The following AKAP13 variants were observed in gnomAD, a reference collection of about 807,000 sequenced individuals.
AKAP13 encodes A-kinase anchor protein 13.
In AKAP13, 80 loss-of-function variants were observed where a neutral mutation model predicts 264.5. The observed-to-expected ratio is 0.30, with a 90% CI of 0.25 to 0.36. The LOEUF (loss-of-function observed/expected upper bound fraction) is 0.36. Ranked by LOEUF, AKAP13 falls within the 10% of genes least tolerant of loss-of-function variation. The pLI is 1.00. For synonymous variants in AKAP13, 1,380 were observed against 1,250.2 expected, an observed-to-expected ratio of 1.10 and a Z score of -2.19; for missense variants, 3,712 against 3,435.2, an observed-to-expected ratio of 1.08 and a Z score of -2.01.
intron 16 of AKAP13, among the ~76,000 whole-genome samples, chr15:85,685,643 G>A (rs1282025231): frequency 6.6e-6 from 1 of 152,088 alleles, no homozygotes; most frequent in Non-Finnish European, 1.5e-5. Flanking sequence ...GTCATGTTGT[G>A]CCATCGTGCT....
At chr15:85,611,648 T>TA (rs2080630600) in intron 8 of AKAP13, among the ~76,000 whole-genome samples, 1 of 152,194 alleles carries the variant, frequency 6.6e-6, no homozygotes, top group Non-Finnish European at 1.5e-5. Context: ...TCCAGAAAAA[T>TA]ATATTTTTGA....
rs765219019 is a variant in AKAP13 at position 85,583,051 on chromosome 15, G to T, written c.4039+944G>T. On this transcript the variant is annotated intron_variant, in intron 7 of 36. Transcript: ENST00000394518. ...TGAAGCTGAAACGGGAGTCGGACAC[G>T]ATCTTGGCTCCTGAAGTCTTTAAAG... 309 of 985,340 alleles carry T rather than the reference G, an allele frequency of 3.1e-4. 1 individual carries two copies. The highest frequency in any genetic ancestry group is 3.6e-4 in the Non-Finnish European group (300 of 829,980). 61.0% of individuals were successfully genotyped at this position (985,340 alleles called of 1,614,324 possible). A position where few individuals can be genotyped will look rare whatever the true frequency, so the allele number is the denominator to read the frequency against.
rs755780002 is a variant in AKAP13, at chr15:85,575,216, T to G, written c.748T>G (p.Leu250Val). The change falls in exon 6 of 37, where the codon TTG (leucine) becomes GTG (valine). Residue 250 changes from leucine to valine, a missense_variant. Coordinates refer to ENST00000394518, the MANE Select transcript of AKAP13 (RefSeq NM_007200.5). Reference sequence around the variant, plus strand: ...CTGTTCTGTGAGGCATCATCGAGAGTTGGACATCTATACATTAACCTCTGA... The same window carrying G: ...CTGTTCTGTGAGGCATCATCGAGAGGTGGACATCTATACATTAACCTCTGA... The part of the protein sequence containing the change: ...GDCSVRHHRE[L>V]DIYTLTSESD... 1.8e-5 allele frequency: 29 copies of G among 1,613,838 alleles called. No homozygotes were observed. In the East Asian group the frequency reaches 6.5e-4, roughly 36 times the overall value.
chr15:85,620,024 A>G, intron 8 of AKAP13: 1 of 1,532,536 alleles, frequency 6.5e-7, no homozygotes, highest in Non-Finnish European at 8.7e-7. Flanking sequence ...AAGGACTTGC[A>G]CTGGTCCCCA....
chr15:85,433,976 G>T (rs1324941732), intron 1 of AKAP13, among the ~76,000 whole-genome samples: 1 of 151,852 alleles, frequency 6.6e-6, no homozygotes, highest in Non-Finnish European at 1.5e-5. Flanking sequence ...GAGGAGCCAA[G>T]ATGGCCGAAT....
chr15:85,613,461 C>T (rs2080767550), intron 8 of AKAP13, among the ~76,000 whole-genome samples: 1 of 151,864 alleles, frequency 6.6e-6, no homozygotes. Flanking sequence ...GCGGGTGGAT[C>T]ACGAGGTCAG....
intron 17 of AKAP13, among the ~76,000 whole-genome samples, chr15:85,703,365 G>C (rs1236353009): frequency 2.0e-5 from 3 of 152,188 alleles, no homozygotes; most frequent in Non-Finnish European, 4.4e-5. Context: ...GTTTACCAGT[G>C]TTGTTACGAA....
Position 85,662,318 on chromosome 15 carries a change from C to T in AKAP13, c.4800-2245C>T. The T allele has an allele frequency of 1.9e-6, 3 of 1,538,810 alleles. No individual in the cohort carries two copies. In the South Asian group the frequency reaches 3.4e-5, roughly 17 times the overall value. On this transcript the variant is annotated intron_variant, in intron 12 of 36. Coordinates refer to ENST00000394518, the MANE Select transcript of AKAP13 (RefSeq NM_007200.5). ...TCTAACTATGCCCTTCGTTTTTAAA[C>T]CTAATAACCCCATTCCTGTTTCCTC...
At chr15:85,721,418 A>T (rs1022657338) in intron 23 of AKAP13, among the ~76,000 whole-genome samples, 7 of 152,186 alleles carry the variant, frequency 4.6e-5, no homozygotes, top group African/African-American at 1.7e-4. Context: ...GTATTTTATG[A>T]ACTGCATACA....
At chr15:85,411,421 A>G (rs1375306211) in intron 1 of AKAP13, among the ~76,000 whole-genome samples, 1 of 152,150 alleles carries the variant, frequency 6.6e-6, no homozygotes, top group Non-Finnish European at 1.5e-5. Context: ...CTCTCGTGTG[A>G]TGGACATTAA....
intron 1 of AKAP13, among the ~76,000 whole-genome samples, chr15:85,450,352 T>C (rs1248134597): frequency 6.6e-6 from 1 of 152,180 alleles, no homozygotes; most frequent in East Asian, 1.9e-4. Flanking sequence ...ATTTTTCATG[T>C]CTTGATTTCC....
chr15:85,600,596 C>T (rs190757943), intron 8 of AKAP13, among the ~76,000 whole-genome samples: 1 of 152,264 alleles, frequency 6.6e-6, no homozygotes, highest in Non-Finnish European at 1.5e-5. Flanking sequence ...TTTCACAACA[C>T]AAATGTTCCT....
intron 8 of AKAP13, chr15:85,619,297 A>T (rs2081073912): frequency 1.1e-6 from 1 of 909,032 alleles, no homozygotes. Context: ...AAGGGCAAGC[A>T]GTGACGTTCT....
chr15:85,625,599 C>T (rs1002843863), intron 8 of AKAP13, among the ~76,000 whole-genome samples: 2 of 152,286 alleles, frequency 1.3e-5, no homozygotes, highest in South Asian at 2.1e-4. Context: ...GCTCACATCA[C>T]GCCTGTAACC....
chr15:85,670,438 CTTATATACTG>C (rs1341787142), intron 14 of AKAP13, among the ~76,000 whole-genome samples: 3 of 150,906 alleles, frequency 2.0e-5, no homozygotes, highest in Non-Finnish European at 4.4e-5. Flanking sequence ...ACCTTATACT[CTTATATACTG>C]TGGTAGTACT....
In AKAP13 at chr15:85,449,610, TA is replaced by T. The variant is rs1172588708; in HGVS notation, c.-11-36099del. On this transcript the variant is annotated intron_variant, in intron 1 of 36. Coordinates refer to ENST00000394518, the MANE Select transcript of AKAP13 (RefSeq NM_007200.5). ...AGGTATGTTCCTTCAATACCTAGTT[TA>T]TTGAGAGTTTTTAACCTAAAGCGAT... 5.3e-5 allele frequency among the ~76,000 whole-genome samples: 8 copies of T among 152,316 alleles called. No individual in the cohort carries two copies. The East Asian group carries it at 1.5e-3, about 29-fold the overall frequency.
intron 2 of AKAP13, among the ~76,000 whole-genome samples, chr15:85,517,068 T>C (rs2076631172): frequency 6.6e-6 from 1 of 152,210 alleles, no homozygotes; most frequent in South Asian, 2.1e-4. Flanking sequence ...AATTTAACAA[T>C]GAGCACTCAT....
In AKAP13 at chr15:85,723,057, T is replaced by C; in HGVS notation, c.6497-15T>C. The C allele has an allele frequency of 6.2e-7, 1 of 1,608,526 alleles. No individual in the cohort carries two copies. The highest frequency in any genetic ancestry group is 8.5e-7 in the Non-Finnish European group (1 of 1,175,888). On this transcript the variant is annotated splice_polypyrimidine_tract_variant and intron_variant, in intron 25 of 36. Transcript: ENST00000394518. ...AAAAGAGCCATAAAAAACAGAATTA[T>C]TCTTTCCTTCCAAGACAATGAAGTG...
At chr15:85,684,195 G>C (rs895174692) in intron 15 of AKAP13, among the ~76,000 whole-genome samples, 1 of 152,182 alleles carries the variant, frequency 6.6e-6, no homozygotes, top group South Asian at 2.1e-4. Context: ...TAGATGAATA[G>C]ATTCCATATA....
Sources: allele counts gnomAD v4.1 joint callset (sites outside exome capture counted in the v4.1 genomes callset), GRCh38; gene constraint gnomAD v4.1.1; transcripts MANE v1.5; gene names NCBI Gene and HGNC (gene_info 2026-07-23, HGNC 2026-07-21).